The following LRRC74A variants were observed in gnomAD, a reference collection of about 807,000 sequenced individuals.
LRRC74A encodes the protein leucine rich repeat containing 74A, also known as leucine-rich repeat-containing protein 74A.
In LRRC74A, 44 loss-of-function variants were observed where a neutral mutation model predicts 57.9. The ratio of observed to expected loss-of-function variants is 0.76; its 90% CI spans 0.60 to 0.98. The LOEUF is 0.98. Ranked by LOEUF, LRRC74A falls within the 50% of genes least tolerant of loss-of-function variation. LRRC74A has a pLI of 0.00. For missense variants in LRRC74A, 572 were observed against 574.0 expected (o/e 1.00, Z 0.04); for synonymous variants, 211 against 219.4 (o/e 0.96, Z 0.34).
chr14:76,857,048 T>C (rs1897947530), intron 9 of LRRC74A, among the ~76,000 whole-genome samples: 1 of 147,368 alleles, frequency 6.8e-6, no homozygotes. Context: ...GATGAGTATA[T>C]AGGTGGATGA....
intron 9 of LRRC74A, among the ~76,000 whole-genome samples, chr14:76,856,504 C>CTGGA (rs35536797): frequency 0.031 from 4,488 of 145,634 alleles, 72 homozygotes; most frequent in Non-Finnish European, 0.04. Flanking sequence ...TTAATATGTG[C>CTGGA]TGGATGGATG....
At chr14:76,828,235 T>C (rs1895718017) in intron 1 of LRRC74A, 56 bp from the exon 2 acceptor site, 1 of 1,542,814 alleles carries the variant, frequency 6.5e-7, no homozygotes, top group Admixed American at 1.9e-5. Context: ...GCAGGCTTTA[T>C]TGGGAGGCCA....
At chr14:76,850,857 AAAAAAAAG>A (rs921204858) in intron 7 of LRRC74A, among the ~76,000 whole-genome samples, 7 of 33,708 alleles carry the variant, frequency 2.1e-4, no homozygotes, top group East Asian at 1.5e-3. Flanking sequence ...AAAAAAAAAA[AAAAAAAAG>A]AAAGAAAGAA....
rs761521536 is a variant in LRRC74A at position 76,857,399 on chromosome 14, A to G, written c.977A>G (p.Asn326Ser). 5 of 1,580,622 alleles carry G rather than the reference A, an allele frequency of 3.2e-6. No homozygotes were observed. In the South Asian group the frequency reaches 5.8e-5, roughly 18 times the overall value. Residue 326 changes from asparagine to serine, a missense_variant, in exon 10 of 14, where the codon AAT becomes AGT. Asn to Ser is a conservative substitution (Grantham distance 46, BLOSUM62 1). Coordinates refer to ENST00000689127, the MANE Select transcript of LRRC74A (RefSeq NM_001385106.1). ...RVLKLFLNPI[N>S]MDGAILLILA... ...CTATAGCTTTTCCTGAATCCCATAA[A>G]TATGGATGGGGCTATTTTACTTATC...
chr14:76,866,865 A>G (rs1426818839), intron 12 of LRRC74A, among the ~76,000 whole-genome samples: 1 of 144,658 alleles, frequency 6.9e-6, no homozygotes. Flanking sequence ...GTTTCCCCTG[A>G]GCTCTCAATC....
Position 76,836,255 on chromosome 14 carries a change from G to T in LRRC74A, c.388G>T (p.Glu130Ter), listed in dbSNP as rs1334134659. 1.2e-6 allele frequency: 2 copies of T among 1,613,916 alleles called. No individual in the cohort carries two copies. The highest frequency in any genetic ancestry group is 1.1e-5 in the South Asian group (1 of 91,050). The part of the protein sequence containing the change: ...KLELEDNCIM[E>*]EGVLSLVEML... ...GGAGCTGGAAGACAATTGCATCATG[G>T]AGGAGGGCGTCTTGAGCCTGGTGGA... is the stretch of plus-strand genomic sequence containing the variant. The change falls in exon 4 of 14, where the codon GAG (glutamate) becomes TAG (stop). Residue 130 changes from glutamate to a stop codon, truncating the protein, a stop_gained. Transcript: ENST00000689127. LOFTEE classifies it high-confidence loss of function.
chr14:76,867,357 A>T lies in LRRC74A; in HGVS notation c.1310A>T (p.Gln437Leu). 1 of 1,552,464 alleles carries T rather than the reference A, an allele frequency of 6.4e-7. No homozygotes were observed. Among genetic ancestry groups the T allele is most frequent in the Non-Finnish European group, 8.9e-7 (1 of 1,125,970 alleles). Reference sequence around the variant, plus strand: ...CACATGTTCCATCCACCTCCTCAGCAAAACAAGGTCCCCCTGAACCAGTAC... The same window carrying T: ...CACATGTTCCATCCACCTCCTCAGCTAAACAAGGTCCCCCTGAACCAGTAC... ...VDEFQKVMIE[Q>L]NKVPLNQYQV... The change falls in exon 13 of 14, where the codon CAA (glutamine) becomes CTA (leucine). Residue 437 changes from glutamine (Q) to leucine (L), a missense_variant and splice_region_variant. Coordinates refer to ENST00000689127, the MANE Select transcript of LRRC74A (RefSeq NM_001385106.1).
intron 11 of LRRC74A, among the ~76,000 whole-genome samples, chr14:76,862,562 AAAT>A (rs1898401682): frequency 6.6e-6 from 1 of 152,278 alleles, no homozygotes; most frequent in African/African-American, 2.4e-5. Context: ...GTCATGTGAT[AAAT>A]AATAAATAAG....
chr14:76,853,168 A>C (rs1334777533), intron 8 of LRRC74A, 48 bp from the exon 9 acceptor site: 17 of 1,529,190 alleles, frequency 1.1e-5, no homozygotes, highest in Non-Finnish European at 1.5e-5. Flanking sequence ...TGGTTGGATG[A>C]GTCACGCGTA....
chr14:76,855,067 C>A (rs1207311506), intron 9 of LRRC74A, among the ~76,000 whole-genome samples: 1 of 152,176 alleles, frequency 6.6e-6, no homozygotes, highest in Admixed American at 6.5e-5. Context: ...ATGTGAGGGT[C>A]CTGAAGAAGG....
intron 3 of LRRC74A, among the ~76,000 whole-genome samples, chr14:76,832,058 G>A (rs933607631): frequency 6.6e-6 from 1 of 152,202 alleles, no homozygotes; most frequent in Non-Finnish European, 1.5e-5. Context: ...AAAAAGCTCA[G>A]TAAGGTAGAG....
chr14:76,859,373 A>G (rs934157732), intron 10 of LRRC74A, among the ~76,000 whole-genome samples: 1 of 152,068 alleles, frequency 6.6e-6, no homozygotes, highest in African/African-American at 2.4e-5. Context: ...CGTCTCTACT[A>G]AAAATACAAA....
chr14:76,863,155 A>C (rs963856898), intron 11 of LRRC74A, among the ~76,000 whole-genome samples: 1 of 146,326 alleles, frequency 6.8e-6, no homozygotes, highest in African/African-American at 2.5e-5. Context: ...GAATGGTTGG[A>C]TATGTGGGGG....
chr14:76,841,848 G>A (rs1896798886), intron 5 of LRRC74A, among the ~76,000 whole-genome samples: 1 of 152,030 alleles, frequency 6.6e-6, no homozygotes, highest in Admixed American at 6.6e-5. Context: ...GAGTAGCTGA[G>A]ATTACAGGCA....
At chr14:76,828,138 T>A (rs1191632263) in intron 1 of LRRC74A, among the ~76,000 whole-genome samples, 153 bp from the exon 2 acceptor site, 1 of 152,078 alleles carries the variant, frequency 6.6e-6, no homozygotes, top group Non-Finnish European at 1.5e-5. Context: ...GAAGGGAGGT[T>A]TGTAGAGTGG....
chr14:76,869,787 A>C (rs1046615711), intron 13 of LRRC74A, among the ~76,000 whole-genome samples: 1 of 152,048 alleles, frequency 6.6e-6, no homozygotes, highest in Non-Finnish European at 1.5e-5. Context: ...AAAAGAAAAA[A>C]AATTCTAAAC....
rs140347611 is a variant in LRRC74A, at chr14:76,853,430, GGTGTGTGT to G, written c.957+45_957+52del. The G allele has an allele frequency of 9.1e-3, 10,647 of 1,165,830 alleles. No homozygotes were observed. The highest frequency in any genetic ancestry group is 0.017 in the Middle Eastern group (72 of 4,240). The allele number at this position is 1,165,830 out of a possible 1,614,324, so 72.2% of individuals were successfully genotyped here. A position where few individuals can be genotyped will look rare whatever the true frequency, so the allele number is the denominator to read the frequency against. ...CTGAAGGTAGTCTTCAGCTGGAAAG[GGTGTGTGT>G]GTGTGTGTGTGTGTGTGTGTGTGTT... On this transcript the variant is annotated intron_variant, in intron 9 of 13. Transcript: ENST00000689127.
intron 7 of LRRC74A, among the ~76,000 whole-genome samples, chr14:76,849,770 T>G (rs1352773636): frequency 2.8e-5 from 4 of 142,438 alleles, no homozygotes; most frequent in Non-Finnish European, 6.0e-5. Context: ...GCCACTGCAC[T>G]CCAGCCTGGG....
intron 10 of LRRC74A, among the ~76,000 whole-genome samples, chr14:76,858,051 ACT>A (rs1034438211): frequency 2.6e-5 from 4 of 152,076 alleles, no homozygotes; most frequent in East Asian, 1.9e-4. Flanking sequence ...ACCATTTTAT[ACT>A]CTGTTTTTCC....
Sources: gnomAD v4.1 joint callset for allele counts (sites outside exome capture counted in the v4.1 genomes callset) on GRCh38, gnomAD v4.1.1 for gene constraint, MANE v1.5 for transcripts, NCBI Gene and HGNC (gene_info 2026-07-23, HGNC 2026-07-21) for gene names.